The following OSBPL9 variants were observed in gnomAD, a reference collection of about 807,000 sequenced individuals.
The protein encoded by OSBPL9 is oxysterol-binding protein-related protein 9.
A neutral mutation model predicts 106.6 loss-of-function variants in OSBPL9; 40 were observed. The observed-to-expected ratio is 0.38, with a 90% CI of 0.29 to 0.49. The LOEUF (loss-of-function observed/expected upper bound fraction) is 0.49, where lower values mean the gene tolerates loss of function less well. Ranked by LOEUF, OSBPL9 falls within the 20% of genes least tolerant of loss-of-function variation. The pLI is 0.97. For missense variants in OSBPL9, 609 were observed against 887.2 expected (o/e 0.69, Z 3.98); for synonymous variants, 269 against 295.4 (o/e 0.91, Z 0.92).
At chr1:51,563,758 C>T in the OSBPL9 span, 4 of 152,026 alleles carry the variant, frequency 2.6e-5, no homozygotes, top group African/African-American at 9.7e-5. Context: ...AATGTTCCTT[C>T]ATGAGGATAG....
intron 1 of OSBPL9, among the ~76,000 whole-genome samples, chr1:51,622,761 CTT>C (rs914470292): frequency 1.3e-5 from 2 of 152,216 alleles, no homozygotes; most frequent in African/African-American, 4.8e-5. Context: ...GCCTCAATCC[CTT>C]TTATGACCTA....
chr1:51,697,153 G>A (rs1656194489), intron 3 of OSBPL9, among the ~76,000 whole-genome samples: 1 of 149,172 alleles, frequency 6.7e-6, no homozygotes, highest in Non-Finnish European at 1.5e-5. Context: ...GAGTGAGACC[G>A]TATTTCTCAA....
At chr1:51,562,155 T>G in the OSBPL9 span, 1 of 152,170 alleles carries the variant, frequency 6.6e-6, no homozygotes, top group Non-Finnish European at 1.5e-5. Context: ...TGTCAAATTG[T>G]AATCCCCAGT....
Position 51,632,876 on chromosome 1 carries a change from T to G in OSBPL9, c.111+15655T>G, listed in dbSNP as rs537553161. ...TTAAAATGAAAGTCATTTTAACTCT[T>G]CTGCCTTCATTTCTTTTTGGAAACC... On this transcript the variant is annotated intron_variant, in intron 1 of 23. Transcript: ENST00000428468. Among the ~76,000 whole-genome samples, 24 of 152,320 alleles carry G rather than the reference T, an allele frequency of 1.6e-4. No homozygotes were observed. In the South Asian group the frequency reaches 4.8e-3, roughly 30 times the overall value.
chr1:51,545,025 G>A, the OSBPL9 span, among the ~76,000 whole-genome samples: 1 of 151,832 alleles, frequency 6.6e-6, no homozygotes, highest in African/African-American at 2.4e-5. Flanking sequence ...TGTATTTTTA[G>A]TAGAGACAGG....
At chr1:51,679,502 AC>A (rs1256472042) in intron 3 of OSBPL9, among the ~76,000 whole-genome samples, 5 of 152,228 alleles carry the variant, frequency 3.3e-5, no homozygotes, top group African/African-American at 1.2e-4. Flanking sequence ...TCAGTTGTTT[AC>A]AGTAATCCCC....
the OSBPL9 span, among the ~76,000 whole-genome samples, chr1:51,552,552 A>G: frequency 6.6e-6 from 1 of 152,232 alleles, no homozygotes; most frequent in African/African-American, 2.4e-5. Context: ...AATTTTAGAT[A>G]TAATCCCAAA....
At chr1:51,777,199 C>T (rs1478821768) in intron 15 of OSBPL9, among the ~76,000 whole-genome samples, 8 of 152,172 alleles carry the variant, frequency 5.3e-5, no homozygotes, top group East Asian at 1.9e-4. Flanking sequence ...AATCCAGGCA[C>T]TGGCAATCAC....
intron 14 of OSBPL9, among the ~76,000 whole-genome samples, chr1:51,775,395 T>C (rs535391145): frequency 6.6e-6 from 1 of 152,168 alleles, no homozygotes; most frequent in Non-Finnish European, 1.5e-5. Context: ...CTTACTCTTC[T>C]TTAAGGCTTT....
chr1:51,530,936 C>G, the OSBPL9 span, among the ~76,000 whole-genome samples: 4 of 140,586 alleles, frequency 2.8e-5, no homozygotes, highest in African/African-American at 8.0e-5. Flanking sequence ...ATCAGGCCAC[C>G]GTACTCCAGC....
chr1:51,638,674 A>C (rs1645600184), intron 1 of OSBPL9, among the ~76,000 whole-genome samples: 1 of 152,110 alleles, frequency 6.6e-6, no homozygotes, highest in Admixed American at 6.6e-5. Flanking sequence ...GTTAGTGACC[A>C]GCCTGGGCAA....
At chr1:51,660,980 C>G (rs1237418690) in intron 2 of OSBPL9, among the ~76,000 whole-genome samples, 1 of 152,086 alleles carries the variant, frequency 6.6e-6, no homozygotes, top group Non-Finnish European at 1.5e-5. Context: ...GGACTTTTGG[C>G]AAACTTAAAA....
the OSBPL9 span, among the ~76,000 whole-genome samples, chr1:51,521,411 AC>A: frequency 3.5e-4 from 53 of 152,342 alleles, 2 homozygotes; most frequent in South Asian, 9.9e-3. Flanking sequence ...TAAGGTGGAA[AC>A]CCTGCCATGT....
At chr1:51,583,855 C>A (rs186253401) in intron 1 of OSBPL9, 71 of 152,206 alleles carry the variant, frequency 4.7e-4, no homozygotes, top group Non-Finnish European at 3.2e-4. Context: ...TTCACACACA[C>A]ACACACAAGC....
intron 4 of OSBPL9, among the ~76,000 whole-genome samples, chr1:51,741,516 C>G (rs1054379606): frequency 3.4e-5 from 5 of 149,134 alleles, no homozygotes; most frequent in African/African-American, 1.2e-4. Flanking sequence ...TCCCCTTGCC[C>G]TTCCCTTCCC....
At chr1:51,579,159 C>G (rs867291536) in intron 1 of OSBPL9, among the ~76,000 whole-genome samples, 1 of 151,700 alleles carries the variant, frequency 6.6e-6, no homozygotes, top group Non-Finnish European at 1.5e-5. Flanking sequence ...AATCTTGACC[C>G]TCTCTGAGAT....
intron 2 of OSBPL9, among the ~76,000 whole-genome samples, chr1:51,609,818 G>C (rs527673139): frequency 6.6e-6 from 1 of 151,284 alleles, no homozygotes; most frequent in East Asian, 1.9e-4. Flanking sequence ...CGTGATCTCG[G>C]CTCACCACAA....
chr1:51,669,504 A>G lies in OSBPL9; in HGVS notation c.233A>G (p.His78Arg). Residue 78 changes from histidine to arginine, a missense_variant, in exon 3 of 24, where the codon CAT becomes CGT. Around this residue, in one of 5 missense-constraint regions of OSBPL9, gnomAD observed 72 missense variants for 140.5 expected, o/e 0.51. Transcript: ENST00000428468. ...ATAACTGTTGATCAGAAAACCTTCC[A>G]TTTCCAGGGTGAGCTGAAAGAAGAG... Reference protein sequence around the residue: ...FTITVDQKTFHFQARDADERE... With the variant: ...FTITVDQKTFRFQARDADERE... 6.2e-7 allele frequency: 1 copy of G among 1,613,932 alleles called. No homozygotes were observed. Among genetic ancestry groups the G allele is most frequent in the Non-Finnish European group, 8.5e-7 (1 of 1,179,892 alleles).
intron 2 of OSBPL9, among the ~76,000 whole-genome samples, chr1:51,607,804 T>C (rs1388142933): frequency 2.6e-5 from 4 of 152,228 alleles, no homozygotes. Context: ...AGTGAGAGAC[T>C]GACTGAAGTT....
Sources: allele counts gnomAD v4.1 joint callset (sites outside exome capture counted in the v4.1 genomes callset), GRCh38; gene constraint gnomAD v4.1.1; regional missense constraint gnomAD v4.1.1; transcripts MANE v1.5; gene names NCBI Gene and HGNC (gene_info 2026-07-23, HGNC 2026-07-21).